KCNQ1: variants seen among roughly 807,000 people sequenced by gnomAD.
KCNQ1 encodes potassium voltage-gated channel subfamily Q member 1, also known as potassium voltage-gated channel subfamily KQT member 1.
In KCNQ1, 49 loss-of-function variants were observed where a neutral mutation model predicts 72.4. The observed-to-expected ratio is 0.68, with a 90% CI of 0.54 to 0.86. The LOEUF (loss-of-function observed/expected upper bound fraction) is 0.86, where lower values mean the gene tolerates loss of function less well. KCNQ1 is among the 40% of genes least tolerant of loss of function. The probability of loss-of-function intolerance (pLI) is 0.00; values close to 1 mark genes in which losing one functional copy is unlikely to be tolerated. For missense variants in KCNQ1, 790 were observed against 945.1 expected (o/e 0.84, Z 2.15); for synonymous variants, 450 against 412.6 (o/e 1.09, Z -1.10).
chr11:2,798,860 G>T (rs1847197783), intron 15 of KCNQ1, among the ~76,000 whole-genome samples: 1 of 152,186 alleles, frequency 6.6e-6, no homozygotes. Context: ...GTTGATCTAT[G>T]CATGTACATT....
intron 1 of KCNQ1, among the ~76,000 whole-genome samples, chr11:2,466,851 C>A (rs1846359167): frequency 6.6e-6 from 1 of 152,246 alleles, no homozygotes; most frequent in African/African-American, 2.4e-5. Context: ...GAGCGAGGGC[C>A]TGGCCCCTGC....
chr11:2,717,258 T>C (rs1851108479), intron 11 of KCNQ1, among the ~76,000 whole-genome samples: 1 of 152,162 alleles, frequency 6.6e-6, no homozygotes, highest in African/African-American at 2.4e-5. Context: ...TTTCAAAGGC[T>C]GTTGGGGAGC....
chr11:2,470,153 G>A (rs1419934970), intron 1 of KCNQ1, among the ~76,000 whole-genome samples: 1 of 152,174 alleles, frequency 6.6e-6, no homozygotes, highest in Non-Finnish European at 1.5e-5. Context: ...TAGAGCTGGG[G>A]TCTGGCTATG....
intron 10 of KCNQ1, chr11:2,632,605 T>C: frequency 2.5e-6 from 1 of 398,378 alleles, no homozygotes; most frequent in Non-Finnish European, 4.4e-6. Context: ...ATATAATGTG[T>C]CATAATCAAA....
intron 2 of KCNQ1, among the ~76,000 whole-genome samples, chr11:2,539,971 A>G (rs962731436): frequency 6.6e-6 from 1 of 152,202 alleles, no homozygotes; most frequent in Non-Finnish European, 1.5e-5. Flanking sequence ...AGCAGCTGAC[A>G]CAACACAACG....
intron 15 of KCNQ1, among the ~76,000 whole-genome samples, chr11:2,802,697 C>G (rs1298051940): frequency 6.6e-6 from 1 of 152,186 alleles, no homozygotes; most frequent in Non-Finnish European, 1.5e-5. Flanking sequence ...CACTGGGGAA[C>G]AGAGGGGCTG....
chr11:2,800,453 A>G (rs562917241), intron 15 of KCNQ1, among the ~76,000 whole-genome samples: 146 of 152,096 alleles, frequency 9.6e-4, no homozygotes, highest in African/African-American at 3.2e-3. Context: ...TCCCCACCCC[A>G]CTTGCCTCAC....
chr11:2,627,839 C>T lies in KCNQ1; in HGVS notation c.1394-34122C>T, dbSNP rs1430168079. 2 of 398,590 alleles carry T rather than the reference C, an allele frequency of 5.0e-6. No individual in the cohort carries two copies. The highest frequency in any genetic ancestry group is 8.8e-6 in the Non-Finnish European group (2 of 226,172). 24.7% of individuals were successfully genotyped at this position (398,590 alleles called of 1,614,324 possible). ...AATCACAGTTCACTGTAGCCTCAACCTCATGGGCTCAAGTGATCCTCCTGC... is the reference window on the plus strand; with the variant it reads ...AATCACAGTTCACTGTAGCCTCAACTTCATGGGCTCAAGTGATCCTCCTGC... On this transcript the variant is annotated intron_variant, in intron 10 of 15. Transcript: ENST00000155840. The surrounding 1 kb of genome is among the most constrained non-coding windows in gnomAD (Gnocchi z 4.9).
At chr11:2,545,136 C>G (rs1013438225) in intron 2 of KCNQ1, among the ~76,000 whole-genome samples, 1 of 152,238 alleles carries the variant, frequency 6.6e-6, no homozygotes, top group Non-Finnish European at 1.5e-5. Context: ...ATAAACCACA[C>G]TTGGTCATGC....
rs750702184 is a variant in KCNQ1, at chr11:2,536,347, A to G, written c.477+8329A>G. On this transcript the variant is annotated intron_variant, in intron 2 of 15. Coordinates refer to ENST00000155840, the MANE Select transcript of KCNQ1 (RefSeq NM_000218.3). This position sits in a 1 kb window ranked among gnomAD's most constrained non-coding sequence, Gnocchi z 7.4. ...CTCTTACAGGAGTCTCTCGTGCACCATTGCTCAACCCCCGAGAGTTATGGA... is the reference window on the plus strand; with the variant it reads ...CTCTTACAGGAGTCTCTCGTGCACCGTTGCTCAACCCCCGAGAGTTATGGA... Among the ~76,000 whole-genome samples the G allele has an allele frequency of 1.3e-5, 2 of 152,084 alleles. No individual in the cohort carries two copies. Among genetic ancestry groups the G allele is most frequent in the Non-Finnish European group, 2.9e-5 (2 of 67,990 alleles).
Position 2,565,642 on chromosome 11 carries a change from C to T in KCNQ1, c.478-4986C>T, listed in dbSNP as rs1463681150. 2.0e-5 allele frequency among the ~76,000 whole-genome samples: 3 copies of T among 152,268 alleles called. No homozygotes were observed. In the East Asian group the frequency reaches 5.8e-4, roughly 29 times the overall value. The stretch of plus-strand genomic sequence containing the variant: ...GCCAGGGGAAAGACCCGTGGCCTAT[C>T]TTGTTTTGGGGGGCAGGGACCCAGA... On this transcript the variant is annotated intron_variant, in intron 2 of 15. Coordinates refer to ENST00000155840, the MANE Select transcript of KCNQ1 (RefSeq NM_000218.3). The surrounding 1 kb of genome is among the most constrained non-coding windows in gnomAD (Gnocchi z 5.6).
chr11:2,645,337 C>G lies in KCNQ1; in HGVS notation c.1394-16624C>G, dbSNP rs764124993. The G allele has an allele frequency of 2.5e-5, 10 of 398,606 alleles. No individual in the cohort carries two copies. Among genetic ancestry groups the G allele is most frequent in the Non-Finnish European group, 4.4e-5 (10 of 226,198 alleles). 24.7% of individuals were successfully genotyped at this position (398,606 alleles called of 1,614,324 possible). On this transcript the variant is annotated intron_variant, in intron 10 of 15. Transcript: ENST00000155840. The surrounding 1 kb of genome is among the most constrained non-coding windows in gnomAD (Gnocchi z 5.8). ...AATACTGGATAGGGCAGGGTGATCC[C>G]TAGGCCCAGAGATGGTATGCGCTGG...
Position 2,471,917 on chromosome 11 carries a change from T to G in KCNQ1, c.386+26433T>G, listed in dbSNP as rs1589898982. Among the ~76,000 whole-genome samples the G allele has an allele frequency of 6.6e-6, 1 of 151,142 alleles. No homozygotes were observed. Among genetic ancestry groups the G allele is most frequent in the South Asian group, 2.1e-4 (1 of 4,782 alleles). On this transcript the variant is annotated intron_variant, in intron 1 of 15. Transcript: ENST00000155840. This position sits in a 1 kb window ranked among gnomAD's most constrained non-coding sequence, Gnocchi z 4.8. ...AGGTGTGTGTATGCGTGCACCTATG[T>G]GTGTATAGGCGTGTATGTGTGCGCG...
intron 10 of KCNQ1, chr11:2,646,496 G>T: frequency 2.5e-6 from 1 of 398,500 alleles, no homozygotes; most frequent in Non-Finnish European, 4.4e-6. Context: ...TGGCTAATTT[G>T]CTGTTTCACA....
rs1034433597 is a variant in KCNQ1 at position 2,687,446 on chromosome 11, C to T, written c.1514+25365C>T. ...TCCACCCAGCTGTCCATACAGATCC[C>T]TGCCTGCACAAGAGCTGCTGCAGCA... is the stretch of plus-strand genomic sequence containing the variant. On this transcript the variant is annotated intron_variant, in intron 11 of 15. Coordinates refer to ENST00000155840, the MANE Select transcript of KCNQ1 (RefSeq NM_000218.3). The surrounding 1 kb of genome is among the most constrained non-coding windows in gnomAD (Gnocchi z 5.0). 2.3e-5 allele frequency: 9 copies of T among 398,680 alleles called. No individual in the cohort carries two copies. Among genetic ancestry groups the T allele is most frequent in the Non-Finnish European group, 3.5e-5 (8 of 226,244 alleles). 24.7% of individuals were successfully genotyped at this position (398,680 alleles called of 1,614,324 possible).
chr11:2,748,178 C>T lies in KCNQ1; in HGVS notation c.1515-20666C>T, dbSNP rs770581033. ...CAGAACTGGCCAGGAAAGACCCCTA[C>T]ACAGACCCCCAGCTCTGCAGTCAGC... On this transcript the variant is annotated intron_variant, in intron 11 of 15. Transcript: ENST00000155840. The surrounding 1 kb of genome is among the most constrained non-coding windows in gnomAD (Gnocchi z 6.2). Among the ~76,000 whole-genome samples, 12 of 152,196 alleles carry T rather than the reference C, an allele frequency of 7.9e-5. No homozygotes were observed. Among genetic ancestry groups the T allele is most frequent in the African/African-American group, 2.9e-4 (12 of 41,444 alleles).
In KCNQ1 at chr11:2,602,294, G is replaced by C. The variant is rs185233214; in HGVS notation, c.1393+13440G>C. Reference sequence around the variant, plus strand: ...GAACTGTGAGAAAAAAAAAAAAAGCGTGTCTTGTTTTAAGCCACTAAGTTT... The same window carrying C: ...GAACTGTGAGAAAAAAAAAAAAAGCCTGTCTTGTTTTAAGCCACTAAGTTT... On this transcript the variant is annotated intron_variant, in intron 10 of 15. Transcript: ENST00000155840. The surrounding 1 kb of genome is among the most constrained non-coding windows in gnomAD (Gnocchi z 4.8). 1.3e-5 allele frequency among the ~76,000 whole-genome samples: 2 copies of C among 151,772 alleles called. No homozygotes were observed. Among genetic ancestry groups the C allele is most frequent in the Admixed American group, 1.3e-4 (2 of 15,228 alleles).
chr11:2,829,935 TGGGGAG>T (rs1419533328), intron 15 of KCNQ1, among the ~76,000 whole-genome samples: 64 of 10,488 alleles, frequency 6.1e-3, no homozygotes, highest in South Asian at 0.028. Context: ...AATACCCTGG[TGGGGAG>T]GGGGAGGGGG....
In KCNQ1 at chr11:2,663,903, G is replaced by A. The variant is rs537396223; in HGVS notation, c.1514+1822G>A. On this transcript the variant is annotated intron_variant, in intron 11 of 15. Coordinates refer to ENST00000155840, the MANE Select transcript of KCNQ1 (RefSeq NM_000218.3). The surrounding 1 kb of genome is among the most constrained non-coding windows in gnomAD (Gnocchi z 5.2). ...GGTGACCCCAAGCCAGTGTGGCTGT[G>A]TCATCTAGGACACTGGGCTGTTTCT... 3 of 398,710 alleles carry A rather than the reference G, an allele frequency of 7.5e-6. No homozygotes were observed. Among genetic ancestry groups the A allele is most frequent in the African/African-American group, 6.2e-5 (3 of 48,766 alleles). 24.7% of individuals were successfully genotyped at this position (398,710 alleles called of 1,614,324 possible).
Sources: gnomAD v4.1 joint callset for allele counts (sites outside exome capture counted in the v4.1 genomes callset) on GRCh38, gnomAD v4.1.1 for gene constraint, Gnocchi (gnomAD v3.1) non-coding constraint, MANE v1.5 for transcripts, NCBI Gene and HGNC (gene_info 2026-07-23, HGNC 2026-07-21) for gene names.